USP48: variants seen among roughly 807,000 people sequenced by gnomAD.
The protein encoded by USP48 is ubiquitin carboxyl-terminal hydrolase 48.
Under a neutral mutation model 150.7 loss-of-function variants are expected in USP48, and 43 were observed. That is an observed-to-expected ratio of 0.29 (90% CI 0.22 to 0.37). USP48 has a LOEUF of 0.37. USP48 is among the 10% of genes least tolerant of loss of function. The probability of loss-of-function intolerance (pLI) is 1.00; values close to 1 mark genes in which losing one functional copy is unlikely to be tolerated. For missense variants in USP48, 813 were observed against 1,249.6 expected (o/e 0.65, Z 5.27); for synonymous variants, 396 against 425.9 (o/e 0.93, Z 0.86).
intron 11 of USP48, chr1:21,724,327 T>C: frequency 1.2e-5 from 7 of 602,464 alleles, no homozygotes; most frequent in South Asian, 6.1e-5. Flanking sequence ...CAGTGCCCTA[T>C]GAGATCGGCT....
chr1:21,722,886 G>A (rs966808625), intron 12 of USP48, among the ~76,000 whole-genome samples: 8 of 152,076 alleles, frequency 5.3e-5, no homozygotes, highest in Non-Finnish European at 1.2e-4. Flanking sequence ...AACTCCAGTC[G>A]TGTTTAACAG....
intron 22 of USP48, among the ~76,000 whole-genome samples, chr1:21,698,720 C>T (rs1168308443): frequency 3.9e-5 from 6 of 152,030 alleles, no homozygotes; most frequent in African/African-American, 1.4e-4. Context: ...CGGTGAAACC[C>T]CGTCTCTACT....
intron 8 of USP48, among the ~76,000 whole-genome samples, chr1:21,741,494 G>C (rs1466304898): frequency 6.6e-6 from 1 of 152,158 alleles, no homozygotes; most frequent in African/African-American, 2.4e-5. Flanking sequence ...TATGTGAAAA[G>C]AATCTTTCAC....
chr1:21,769,420 A>AT lies in USP48; in HGVS notation c.135-11638dup, dbSNP rs1045099672. On this transcript the variant is annotated intron_variant, in intron 1 of 26. Transcript: ENST00000308271. ...GGGAGGAGGGAGGGGAGCAGAAACA[A>AT]TTTTTTTTTTTTGAGGCAGGGTCTC... Among the ~76,000 whole-genome samples the AT allele has an allele frequency of 2.6e-3, 384 of 145,658 alleles. 4 individuals are homozygous for AT. Among genetic ancestry groups the AT allele is most frequent in the African/African-American group, 7.2e-3 (287 of 39,950 alleles).
intron 1 of USP48, among the ~76,000 whole-genome samples, chr1:21,781,200 T>C (rs1246943791): frequency 6.9e-6 from 1 of 145,818 alleles, no homozygotes; most frequent in African/African-American, 2.5e-5. Flanking sequence ...GGTCAAATTA[T>C]CTGAGGTCAG....
In USP48 at chr1:21,782,929, G is replaced by A; in HGVS notation, c.29C>T (p.Ala10Val). Residue 10 changes from alanine (A) to valine (V), a missense_variant, in exon 1 of 27, where the codon GCG (alanine) becomes GTG (valine). Ala to Val is a moderately conservative substitution (Grantham distance 64, BLOSUM62 0). Coordinates refer to ENST00000308271, the MANE Select transcript of USP48 (RefSeq NM_032236.8). ...CACCGTCTCCGCCCAGCGCCAGGCC[G>A]CCTTCTCCAGCTGCAGCCGCGGGGC... MAPRLQLEK[A>V]AWRWAETVRP... is the part of the protein sequence containing the mutation. The A allele has an allele frequency of 1.9e-6, 3 of 1,548,678 alleles. No individual in the cohort carries two copies. The highest frequency in any genetic ancestry group is 2.6e-6 in the Non-Finnish European group (3 of 1,148,978).
At chr1:21,768,851 G>A (rs1326374500) in intron 1 of USP48, among the ~76,000 whole-genome samples, 1 of 151,964 alleles carries the variant, frequency 6.6e-6, no homozygotes, top group African/African-American at 2.4e-5. Context: ...CCAGGCTGTG[G>A]TGCAGCAGTA....
chr1:21,687,345 A>T lies in USP48; in HGVS notation c.3010-106T>A, dbSNP rs192878571. 2.1e-4 allele frequency: 223 copies of T among 1,046,958 alleles called. No individual in the cohort carries two copies. The African/African-American group carries it at 2.6e-3, about 12-fold the overall frequency. 64.9% of individuals were successfully genotyped at this position (1,046,958 alleles called of 1,614,324 possible). On this transcript the variant is annotated intron_variant, in intron 24 of 26. Transcript: ENST00000308271. ...TGATATTGCTATAAGACACAAACAC[A>T]CTGTCCAGTAGATAACTCAGTTTCA...
intron 3 of USP48, among the ~76,000 whole-genome samples, chr1:21,753,982 G>A (rs576486690): frequency 5.3e-5 from 8 of 151,860 alleles, no homozygotes; most frequent in African/African-American, 7.2e-5. Flanking sequence ...CCAACATGGC[G>A]AAACCCCGTC....
At chr1:21,699,201 T>G (rs1312465354) in intron 22 of USP48, among the ~76,000 whole-genome samples, 3 of 138,830 alleles carry the variant, frequency 2.2e-5, no homozygotes, top group African/African-American at 5.3e-5. Flanking sequence ...AATTTTTTTT[T>G]TTTTTTTTTT....
In USP48 at chr1:21,758,755, AAATGAATGAATG is replaced by A. The variant is rs71569846; in HGVS notation, c.135-984_135-973del. On this transcript the variant is annotated intron_variant, in intron 1 of 26. Coordinates refer to ENST00000308271, the MANE Select transcript of USP48 (RefSeq NM_032236.8). The stretch of plus-strand genomic sequence containing the variant: ...ACAGAGCAAGACTCTGTCTTGGAAA[AAATGAATGAATG>A]AATGAATGAATGAATGAATGAATGA... 6.1e-3 allele frequency among the ~76,000 whole-genome samples: 916 copies of A among 149,964 alleles called. 5 individuals carry two copies. Among genetic ancestry groups the A allele is most frequent in the Non-Finnish European group, 0.01 (682 of 67,630 alleles).
chr1:21,770,688 GC>G, intron 1 of USP48, among the ~76,000 whole-genome samples: 2 of 151,312 alleles, frequency 1.3e-5, no homozygotes, highest in South Asian at 4.2e-4. Flanking sequence ...CACCATATTG[GC>G]CAGACTGGTC....
chr1:21,711,511 A>T (rs1242305296), intron 15 of USP48, among the ~76,000 whole-genome samples: 1 of 152,168 alleles, frequency 6.6e-6, no homozygotes, highest in East Asian at 1.9e-4. Context: ...GGGATAATTA[A>T]ACCTTTCCAC....
chr1:21,752,964 T>TAAAAA (rs752184432), intron 4 of USP48, 28 bp downstream of exon 4: 2 of 1,271,682 alleles, frequency 1.6e-6, no homozygotes, highest in Non-Finnish European at 2.1e-6. Context: ...TCTGAATATT[T>TAAAAA]AAAAAAAAAA....
intron 1 of USP48, among the ~76,000 whole-genome samples, chr1:21,777,181 G>A (rs371045985): frequency 4.1e-4 from 63 of 151,858 alleles, no homozygotes; most frequent in African/African-American, 1.4e-3. Context: ...ACAGCTACTC[G>A]GGATGCTGAA....
chr1:21,756,474 CAAAAAAAAAAA>C (rs35545280), intron 3 of USP48, 61 bp downstream of exon 3: 5 of 1,175,316 alleles, frequency 4.3e-6, no homozygotes, highest in East Asian at 3.3e-5. Context: ...GAGGAAGACT[CAAAAAAAAAAA>C]AAAAAAAAAG....
chr1:21,718,462 AT>A (rs1394596377), intron 14 of USP48, among the ~76,000 whole-genome samples: 1 of 152,340 alleles, frequency 6.6e-6, no homozygotes, highest in African/African-American at 2.4e-5. Context: ...TGAAAGCAAC[AT>A]GAAAAATACT....
intron 14 of USP48, among the ~76,000 whole-genome samples, chr1:21,717,970 C>T (rs1036386005): frequency 1.2e-4 from 18 of 152,136 alleles, no homozygotes; most frequent in African/African-American, 4.1e-4. Context: ...ACTGATGTGA[C>T]GGATGTATTC....
At chr1:21,737,887 A>G (rs1357265890) in intron 8 of USP48, among the ~76,000 whole-genome samples, 1 of 151,824 alleles carries the variant, frequency 6.6e-6, no homozygotes, top group Non-Finnish European at 1.5e-5. Context: ...ATCTTTGCAC[A>G]GATCTTTGAC....
Sources: gnomAD v4.1 joint callset for allele counts (sites outside exome capture counted in the v4.1 genomes callset) on GRCh38, gnomAD v4.1.1 for gene constraint, MANE v1.5 for transcripts, NCBI Gene and HGNC (gene_info 2026-07-23, HGNC 2026-07-21) for gene names.